FTO: variants seen among roughly 807,000 people sequenced by gnomAD.
The protein encoded by FTO is FTO alpha-ketoglutarate dependent dioxygenase, also known as alpha-ketoglutarate-dependent dioxygenase FTO.
In FTO, 47 loss-of-function variants were observed where a neutral mutation model predicts 63.9. That is an observed-to-expected ratio of 0.74 (90% confidence interval 0.58 to 0.94). The LOEUF (loss-of-function observed/expected upper bound fraction) is 0.94. Among genes scored for constraint, FTO ranks in the 40% least tolerant of loss-of-function variants. FTO has a pLI of 0.00. For synonymous variants in FTO, 207 were observed against 224.4 expected (o/e 0.92, Z 0.69); for missense variants, 562 against 618.1 (o/e 0.91, Z 0.96).
chr16:53,976,151 T>C (rs569708528), intron 8 of FTO, among the ~76,000 whole-genome samples: 174 of 152,324 alleles, frequency 1.1e-3, no homozygotes, highest in African/African-American at 3.9e-3. Context: ...ATTATTCTTT[T>C]CTCTTACAGT....
At chr16:53,814,113 A>G (rs1037406338) in intron 2 of FTO, among the ~76,000 whole-genome samples, 2 of 152,202 alleles carry the variant, frequency 1.3e-5, no homozygotes, top group African/African-American at 4.8e-5. Flanking sequence ...CTCTTGGTCT[A>G]CCATGCTCCA....
intron 8 of FTO, 125 bp downstream of exon 8, chr16:53,934,234 AG>A: frequency 2.0e-6 from 2 of 983,156 alleles, no homozygotes; most frequent in Non-Finnish European, 3.1e-6. Flanking sequence ...AGCACGTTTA[AG>A]ATGCTTTCAG....
intron 8 of FTO, among the ~76,000 whole-genome samples, chr16:53,971,908 A>G (rs1029001606): frequency 1.3e-5 from 2 of 152,198 alleles, no homozygotes; most frequent in Non-Finnish European, 2.9e-5. Context: ...TGATTGCCTG[A>G]TGCCATATTT....
intron 1 of FTO, among the ~76,000 whole-genome samples, chr16:53,718,214 A>T (rs74018189): frequency 2.6e-5 from 4 of 152,034 alleles, no homozygotes; most frequent in Non-Finnish European, 5.9e-5. Context: ...ATTTTGTTCA[A>T]TTGGGCACCA....
intron 3 of FTO, among the ~76,000 whole-genome samples, chr16:53,834,431 T>C (rs956151814): frequency 6.6e-6 from 1 of 152,214 alleles, no homozygotes. Flanking sequence ...TACTACTGAA[T>C]GACATCATTC....
intron 7 of FTO, among the ~76,000 whole-genome samples, chr16:53,898,776 C>T (rs2081334956): frequency 6.6e-6 from 1 of 152,116 alleles, no homozygotes; most frequent in Non-Finnish European, 1.5e-5. Context: ...AACTCCTGGG[C>T]TCAAGTGATT....
At chr16:53,999,569 A>T (rs1261068426) in intron 8 of FTO, 1 of 152,238 alleles carries the variant, frequency 6.6e-6, no homozygotes, top group Non-Finnish European at 1.5e-5. Context: ...GGTTTCTCAG[A>T]ATGTGGTACT....
intron 1 of FTO, among the ~76,000 whole-genome samples, chr16:53,809,433 A>G (rs952225867): frequency 2.6e-5 from 4 of 152,156 alleles, no homozygotes; most frequent in Non-Finnish European, 5.9e-5. Flanking sequence ...TGATAGTACC[A>G]TAAAAGGATT....
intron 8 of FTO, among the ~76,000 whole-genome samples, chr16:54,041,275 CAG>C (rs2085068838): frequency 6.6e-6 from 1 of 152,038 alleles, no homozygotes; most frequent in East Asian, 1.9e-4. Flanking sequence ...AGAGGGAGCA[CAG>C]GGGGAAACCA....
rs143029954 is a variant in FTO, at chr16:54,086,928, C to G, written c.1365-24834C>G. Among the ~76,000 whole-genome samples the G allele has an allele frequency of 3.6e-3, 555 of 152,286 alleles. 3 individuals are homozygous for G. The highest frequency in any genetic ancestry group is 0.012 in the African/African-American group (500 of 41,572). On this transcript the variant is annotated intron_variant, in intron 8 of 8. Coordinates refer to ENST00000471389, the MANE Select transcript of FTO (RefSeq NM_001080432.3). ...AAAGGAGTTCAGTGGGCTGCCGGCC[C>G]CCATAAGGAAAAAGCAAACTCAGCC...
intron 8 of FTO, among the ~76,000 whole-genome samples, chr16:53,941,134 T>C (rs2082519030): frequency 6.6e-6 from 1 of 152,224 alleles, no homozygotes; most frequent in Non-Finnish European, 1.5e-5. Context: ...TCCTAGCTAG[T>C]CACGGATTAT....
At chr16:53,849,735 T>C (rs1014230080) in intron 4 of FTO, among the ~76,000 whole-genome samples, 3 of 152,216 alleles carry the variant, frequency 2.0e-5, no homozygotes, top group Non-Finnish European at 4.4e-5. Context: ...GCCATGCTTC[T>C]GTTTTTTGAC....
intron 8 of FTO, among the ~76,000 whole-genome samples, chr16:54,010,152 G>A (rs995725954): frequency 2.6e-5 from 4 of 152,086 alleles, no homozygotes; most frequent in African/African-American, 7.2e-5. Flanking sequence ...CATGGCTCAC[G>A]ACTGTAATCC....
chr16:54,024,523 C>A (rs1480150266), intron 8 of FTO, among the ~76,000 whole-genome samples: 1 of 152,110 alleles, frequency 6.6e-6, no homozygotes, highest in Non-Finnish European at 1.5e-5. Flanking sequence ...TCACCGCGCC[C>A]GGCCTTGGCT....
At chr16:53,856,172 T>A (rs2079986353) in intron 4 of FTO, among the ~76,000 whole-genome samples, 1 of 152,108 alleles carries the variant, frequency 6.6e-6, no homozygotes, top group African/African-American at 2.4e-5. Flanking sequence ...AGTGGAAGAA[T>A]GACTGTGAAT....
At position 53,952,758 on chromosome 16, in the gene FTO, T is replaced by G. The variant is rs116918645; in HGVS notation, c.1364+18649T>G. The stretch of plus-strand genomic sequence containing the variant: ...ACAAGACTGAGATGTGGGTGGGAAT[T>G]GGATCTGCCAGGTCCCAGAGCTAGA... On this transcript the variant is annotated intron_variant, in intron 8 of 8. Transcript: ENST00000471389. Among the ~76,000 whole-genome samples, 44 of 152,294 alleles carry G rather than the reference T, an allele frequency of 2.9e-4. No homozygotes were observed. The East Asian group carries it at 7.9e-3, about 27-fold the overall frequency.
At chr16:54,093,449 G>A (rs949828643) in intron 8 of FTO, among the ~76,000 whole-genome samples, 1 of 152,244 alleles carries the variant, frequency 6.6e-6, no homozygotes, top group Non-Finnish European at 1.5e-5. Flanking sequence ...CTCCCTGGCA[G>A]GCCGGGCACG....
rs138674129 is a variant in FTO, at chr16:53,785,394, G to C, written c.46-24746G>C. Among the ~76,000 whole-genome samples, 389 of 152,298 alleles carry C rather than the reference G, an allele frequency of 2.6e-3. 1 individual carries two copies. The highest frequency in any genetic ancestry group is 8.6e-3 in the African/African-American group (359 of 41,554). ...GGAGCTTATATGCTAGTGGGAGAGA[G>C]ACAAAAATTAAGTACAAATAAATAA... On this transcript the variant is annotated intron_variant, in intron 1 of 8. Transcript: ENST00000471389.
At chr16:53,986,354 G>C (rs2083667850) in intron 8 of FTO, among the ~76,000 whole-genome samples, 1 of 152,132 alleles carries the variant, frequency 6.6e-6, no homozygotes, top group Non-Finnish European at 1.5e-5. Context: ...TCAGCTTCCT[G>C]TTCAACCATC....
Sources: gnomAD v4.1 joint callset for allele counts (sites outside exome capture counted in the v4.1 genomes callset) on GRCh38, gnomAD v4.1.1 for gene constraint, MANE v1.5 for transcripts, NCBI Gene and HGNC (gene_info 2026-07-23, HGNC 2026-07-21) for gene names.